The following RNF34 variants were observed in gnomAD, a reference collection of about 807,000 sequenced individuals.
RNF34 encodes the protein ring finger protein 34.
RNF34 carries 12 observed loss-of-function variants against 37.9 expected under a neutral mutation model. The observed-to-expected ratio is 0.32, with a 90% CI of 0.20 to 0.51. RNF34 has a LOEUF of 0.51. Ranked by LOEUF, RNF34 falls within the 20% of genes least tolerant of loss-of-function variation. The probability of loss-of-function intolerance (pLI) is 0.97; values close to 1 mark genes in which losing one functional copy is unlikely to be tolerated. For synonymous variants in RNF34, 155 were observed against 177.2 expected, an observed-to-expected ratio of 0.87 and a Z score of 1.00; for missense variants, 362 against 472.7, an observed-to-expected ratio of 0.77 and a Z score of 2.17.
At chr12:121,407,566 G>T (rs59697780) in intron 1 of RNF34, among the ~76,000 whole-genome samples, 2 of 152,154 alleles carry the variant, frequency 1.3e-5, no homozygotes, top group African/African-American at 2.4e-5. Context: ...CTAGTATGCT[G>T]TCTTTCCAGG....
Position 121,423,578 on chromosome 12 carries a change from A to G in RNF34, c.*2A>G. 6.2e-7 allele frequency: 1 copy of G among 1,611,976 alleles called. No individual in the cohort carries two copies. The highest frequency in any genetic ancestry group is 2.2e-5 in the East Asian group (1 of 44,844). ...GCCGTGCACGTGTTCAAGTCCTGAA[A>G]CAGGCTCCCCTCACCAGGACAGTCA... On this transcript the variant is annotated 3_prime_UTR_variant, in exon 6 of 6. Coordinates refer to ENST00000361234, the MANE Select transcript of RNF34 (RefSeq NM_025126.4). This position sits in a 1 kb window ranked among gnomAD's most constrained non-coding sequence, Gnocchi z 4.3.
Position 121,417,329 on chromosome 12 carries a change from A to G in RNF34, c.226-175A>G, listed in dbSNP as rs1871669494. On this transcript the variant is annotated intron_variant, in intron 2 of 5. Coordinates refer to ENST00000361234, the MANE Select transcript of RNF34 (RefSeq NM_025126.4). The surrounding 1 kb of genome is among the most constrained non-coding windows in gnomAD (Gnocchi z 5.0). ...TCTGTGAATCCAGACTGCCTTGGCA[A>G]TGAATATTTTGATTTTCATGGCTTT... 6.6e-6 allele frequency among the ~76,000 whole-genome samples: 1 copy of G among 152,236 alleles called. No homozygotes were observed. Among genetic ancestry groups the G allele is most frequent in the Non-Finnish European group, 1.5e-5 (1 of 68,040 alleles).
Position 121,423,155 on chromosome 12 carries a change from C to T in RNF34, c.929-231C>T, listed in dbSNP as rs782660604. On this transcript the variant is annotated intron_variant, in intron 5 of 5. Transcript: ENST00000361234. The surrounding 1 kb of genome is among the most constrained non-coding windows in gnomAD (Gnocchi z 4.3). ...ATACATAGCTAACATTTGTTGGGTACGTCAAGCATTTTATTCTTTACAAAA... is the reference window on the plus strand; with the variant it reads ...ATACATAGCTAACATTTGTTGGGTATGTCAAGCATTTTATTCTTTACAAAA... Among the ~76,000 whole-genome samples the T allele has an allele frequency of 1.3e-5, 2 of 152,212 alleles. No homozygotes were observed. The highest frequency in any genetic ancestry group is 2.9e-5 in the Non-Finnish European group (2 of 68,036).
At position 121,424,161 on chromosome 12, in the gene RNF34, A is replaced by G. The variant is rs782652346; in HGVS notation, c.*585A>G. The stretch of plus-strand genomic sequence containing the variant: ...CGACTGCCAGGGCCTTAGACTCCAC[A>G]TGTCCATTTTTGTTCAGGTATAGCT... On this transcript the variant is annotated 3_prime_UTR_variant, in exon 6 of 6. Transcript: ENST00000361234. The G allele has an allele frequency of 5.2e-5, 8 of 152,722 alleles. No homozygotes were observed. Among genetic ancestry groups the G allele is most frequent in the Non-Finnish European group, 1.2e-4 (8 of 68,104 alleles). 9.5% of individuals were successfully genotyped at this position (152,722 alleles called of 1,614,324 possible).
At position 121,423,570 on chromosome 12, in the gene RNF34, G is replaced by C; in HGVS notation, c.1113G>C (p.Lys371Asn). Residue 371 changes from lysine to asparagine, a missense_variant, in exon 6 of 6, where the codon AAG (lysine) becomes AAC (asparagine). Coordinates refer to ENST00000361234, the MANE Select transcript of RNF34 (RefSeq NM_025126.4). This position sits in a 1 kb window ranked among gnomAD's most constrained non-coding sequence, Gnocchi z 4.3. ...TGGTGCGAGCCGTGCACGTGTTCAAGTCCTGAAACAGGCTCCCCTCACCAG... is the reference window on the plus strand; with the variant it reads ...TGGTGCGAGCCGTGCACGTGTTCAACTCCTGAAACAGGCTCCCCTCACCAG... ...QYVVRAVHVF[K>N]S is the part of the protein sequence containing the mutation. 1.2e-6 allele frequency: 2 copies of C among 1,612,776 alleles called. No individual in the cohort carries two copies. The highest frequency in any genetic ancestry group is 1.7e-6 in the Non-Finnish European group (2 of 1,179,028).
intron 1 of RNF34, among the ~76,000 whole-genome samples, chr12:121,412,598 C>CG (rs1421736129): frequency 2.6e-5 from 4 of 151,950 alleles, no homozygotes; most frequent in African/African-American, 9.7e-5. Flanking sequence ...AGTCCAGTCT[C>CG]GAACTCCTGA....
intron 3 of RNF34, among the ~76,000 whole-genome samples, chr12:121,419,604 G>A (rs1481525101): frequency 6.6e-6 from 1 of 152,122 alleles, no homozygotes; most frequent in African/African-American, 2.4e-5. Context: ...ATTGGGAACC[G>A]ACCTAGCTTA....
In RNF34 at chr12:121,400,227, C is replaced by T; in HGVS notation, c.6+9C>T. On this transcript the variant is annotated intron_variant, in intron 1 of 5. Transcript: ENST00000361234. ...CGGTCGCGGCCATGAAGGTGAGGGG[C>T]CGGTGGAGCCGGACAGACCCTCCTC... 6.2e-7 allele frequency: 1 copy of T among 1,608,244 alleles called. No individual in the cohort carries two copies.
At chr12:121,416,829 A>G (rs1268347183) in intron 2 of RNF34, among the ~76,000 whole-genome samples, 2 of 152,238 alleles carry the variant, frequency 1.3e-5, no homozygotes, top group Non-Finnish European at 2.9e-5. Flanking sequence ...TTTCACTAAG[A>G]TGGAAAGTCA....
chr12:121,408,834 G>A (rs1201792718), intron 1 of RNF34, among the ~76,000 whole-genome samples: 1 of 152,168 alleles, frequency 6.6e-6, no homozygotes, highest in Non-Finnish European at 1.5e-5. Context: ...GTTAAGGTGG[G>A]AAATAAAAGT....
intron 3 of RNF34, chr12:121,420,041 T>G: frequency 2.0e-6 from 1 of 494,474 alleles, no homozygotes; most frequent in Non-Finnish European, 3.7e-6. Context: ...AATTTGTGTT[T>G]TGAGCTAACT....
intron 1 of RNF34, among the ~76,000 whole-genome samples, chr12:121,406,983 G>T (rs1339303334): frequency 2.6e-5 from 4 of 152,192 alleles, no homozygotes; most frequent in Admixed American, 2.6e-4. Flanking sequence ...ATTGAGTGAC[G>T]CTAAAGTTTG....
At chr12:121,418,986 A>G (rs1871838948) in intron 3 of RNF34, among the ~76,000 whole-genome samples, 1 of 152,202 alleles carries the variant, frequency 6.6e-6, no homozygotes, top group South Asian at 2.1e-4. Context: ...TACAGGCATG[A>G]GCCAACCGCG....
rs1871723363 is a variant in RNF34, at chr12:121,417,896, T to A, written c.618T>A (p.Ser206=). ...ELMDGDQTSR[S]GVPAQVQSEI... ...TGGATGGAGACCAAACATCCAGATCTGGAGTGCCGGCACAGGTACGAGGGG... is the reference window on the plus strand; with the variant it reads ...TGGATGGAGACCAAACATCCAGATCAGGAGTGCCGGCACAGGTACGAGGGG... The change falls in exon 3 of 6, where the codon TCT becomes TCA. Residue 206 remains serine (S), a synonymous_variant. Transcript: ENST00000361234. This position sits in a 1 kb window ranked among gnomAD's most constrained non-coding sequence, Gnocchi z 5.0. 6.2e-7 allele frequency: 1 copy of A among 1,613,844 alleles called. No individual in the cohort carries two copies. The highest frequency in any genetic ancestry group is 8.5e-7 in the Non-Finnish European group (1 of 1,179,972).
chr12:121,415,203 T>A, intron 1 of RNF34: 1 of 216,946 alleles, frequency 4.6e-6, no homozygotes, highest in Non-Finnish European at 1.0e-5. Flanking sequence ...TACAAAAAAA[T>A]CTAGAGAGAG....
intron 1 of RNF34, among the ~76,000 whole-genome samples, chr12:121,405,895 G>A (rs1566224454): frequency 1.3e-5 from 2 of 151,036 alleles, no homozygotes; most frequent in Non-Finnish European, 2.9e-5. Flanking sequence ...CCAGGTTCAC[G>A]CCATTCTCCT....
intron 1 of RNF34, among the ~76,000 whole-genome samples, chr12:121,408,477 T>A (rs1870757941): frequency 6.6e-6 from 1 of 151,780 alleles, no homozygotes; most frequent in South Asian, 2.1e-4. Flanking sequence ...AAATAAAAAC[T>A]AGAAAATGTG....
chr12:121,404,126 T>C (rs963633819), intron 1 of RNF34, among the ~76,000 whole-genome samples: 23 of 151,484 alleles, frequency 1.5e-4, no homozygotes, highest in Middle Eastern at 3.4e-3. Context: ...ACAGTTCTCC[T>C]GCCTCAGCTT....
chr12:121,416,546 C>G, intron 2 of RNF34, 169 bp downstream of exon 2: 1 of 581,920 alleles, frequency 1.7e-6, no homozygotes, highest in Non-Finnish European at 3.0e-6. Flanking sequence ...GATTATATTA[C>G]TGCTCAAGTT....
Sources: gnomAD v4.1 joint callset for allele counts (sites outside exome capture counted in the v4.1 genomes callset) on GRCh38, gnomAD v4.1.1 for gene constraint, Gnocchi (gnomAD v3.1) non-coding constraint, MANE v1.5 for transcripts, NCBI Gene and HGNC (gene_info 2026-07-23, HGNC 2026-07-21) for gene names.